Variants in ZNF722 observed in about 807,000 individuals in gnomAD.
ZNF722 encodes the protein zinc finger protein 722, also known as zinc finger protein 479 pseudogene.
the ZNF722 span, among the ~76,000 whole-genome samples, chr7:64,004,428 A>ATATATATATT: frequency 1.6e-5 from 1 of 64,262 alleles, no homozygotes; most frequent in Non-Finnish European, 3.4e-5. Flanking sequence ...AAAAAAAAAT[A>ATATATATATT]TATATATATA....
the ZNF722 span, chr7:64,015,873 A>G: frequency 6.3e-7 from 1 of 1,576,296 alleles, no homozygotes; most frequent in Admixed American, 1.7e-5. Context: ...AAGTCTTGCT[A>G]AACATAAGAT....
the ZNF722 span, among the ~76,000 whole-genome samples, chr7:64,011,780 A>G: frequency 1.3e-5 from 2 of 151,998 alleles, no homozygotes; most frequent in African/African-American, 4.8e-5. Flanking sequence ...TATTTCCTGA[A>G]TTTGAATGTT....
the ZNF722 span, chr7:64,005,743 G>A: frequency 6.5e-7 from 1 of 1,549,954 alleles, no homozygotes; most frequent in Non-Finnish European, 8.8e-7. Context: ...CCCTGGGTGA[G>A]GAAAACTTCA....
the ZNF722 span, among the ~76,000 whole-genome samples, chr7:64,012,386 T>G: frequency 5.9e-5 from 9 of 152,006 alleles, no homozygotes; most frequent in African/African-American, 2.2e-4. Context: ...CTTTTCTGCT[T>G]TGGTTCCTCC....
At chr7:63,999,020 T>C in the ZNF722 span, 6 of 1,574,968 alleles carry the variant, frequency 3.8e-6, no homozygotes, top group Non-Finnish European at 5.2e-6. Flanking sequence ...GGGTCTGTCA[T>C]CGTGAGAGGG....
the ZNF722 span, chr7:64,015,140 T>TA: frequency 7.0e-7 from 1 of 1,427,124 alleles, no homozygotes; most frequent in African/African-American, 1.4e-5. Flanking sequence ...ATTTACAATT[T>TA]AAAAAATGCT....
the ZNF722 span, among the ~76,000 whole-genome samples, chr7:64,013,049 T>C: frequency 2.0e-5 from 3 of 152,154 alleles, no homozygotes; most frequent in Non-Finnish European, 2.9e-5. Context: ...GGCATATACT[T>C]CTTTTACAGT....
chr7:64,008,637 G>C, the ZNF722 span, among the ~76,000 whole-genome samples: 3 of 151,760 alleles, frequency 2.0e-5, no homozygotes, highest in Admixed American at 1.3e-4. Flanking sequence ...TGCTGTTTTG[G>C]TTACTGTAGC....
chr7:63,999,267 C>T, the ZNF722 span, among the ~76,000 whole-genome samples: 1 of 152,162 alleles, frequency 6.6e-6, no homozygotes, highest in Non-Finnish European at 1.5e-5. Context: ...ACTCCCAGCG[C>T]CTCATCTCAC....
the ZNF722 span, among the ~76,000 whole-genome samples, chr7:64,004,425 A>AAAAAAAAAAAAAATATATATATAT: frequency 1.6e-5 from 1 of 61,120 alleles, no homozygotes; most frequent in African/African-American, 8.0e-5. Flanking sequence ...AAAAAAAAAA[A>AAAAAAAAAAAAAATATATATATAT]ATATATATAT....
At chr7:64,015,731 G>T in the ZNF722 span, 4 of 1,613,586 alleles carry the variant, frequency 2.5e-6, no homozygotes, top group African/African-American at 4.0e-5. Context: ...ATACTGGAGA[G>T]AAACCCTACA....
At chr7:64,013,416 T>C in the ZNF722 span, among the ~76,000 whole-genome samples, 1 of 152,110 alleles carries the variant, frequency 6.6e-6, no homozygotes, top group East Asian at 1.9e-4. Context: ...ATGCTAGTAA[T>C]TGACTCATTT....
At chr7:64,003,642 T>C in the ZNF722 span, among the ~76,000 whole-genome samples, 1 of 152,344 alleles carries the variant, frequency 6.6e-6, no homozygotes, top group African/African-American at 2.4e-5. Context: ...TTTTGTTATT[T>C]TTATGATAGT....
At chr7:64,015,267 A>C in the ZNF722 span, 88 of 1,225,712 alleles carry the variant, frequency 7.2e-5, no homozygotes, top group African/African-American at 1.1e-3. Flanking sequence ...AGTCTTTGGT[A>C]AATTTTCAAA....
chr7:63,999,463 G>A, the ZNF722 span, among the ~76,000 whole-genome samples: 1 of 152,160 alleles, frequency 6.6e-6, no homozygotes, highest in Non-Finnish European at 1.5e-5. Context: ...GTCATAGAGC[G>A]CCCAGCTATG....
the ZNF722 span, among the ~76,000 whole-genome samples, chr7:64,007,230 G>GTATATATATATATA: frequency 8.7e-4 from 120 of 138,472 alleles, 2 homozygotes; most frequent in Middle Eastern, 8.0e-3. Context: ...GTTTGTGTGT[G>GTATATATATATATA]TATATATATA....
At chr7:64,005,975 G>A in the ZNF722 span, among the ~76,000 whole-genome samples, 1 of 152,106 alleles carries the variant, frequency 6.6e-6, no homozygotes, top group Non-Finnish European at 1.5e-5. Flanking sequence ...AAAATGTCAT[G>A]GCATAAAATA....
the ZNF722 span, among the ~76,000 whole-genome samples, chr7:64,004,072 A>C: frequency 6.6e-6 from 1 of 152,072 alleles, no homozygotes; most frequent in Non-Finnish European, 1.5e-5. Context: ...AGTTATCTGC[A>C]CCTTCGACTT....
At chr7:63,998,992 C>T in the ZNF722 span, 2 of 1,576,794 alleles carry the variant, frequency 1.3e-6, no homozygotes, top group East Asian at 2.2e-5. Context: ...CCCTGGAAGC[C>T]GAGAAATGGT....
Sources: allele counts gnomAD v4.1 joint callset (sites outside exome capture counted in the v4.1 genomes callset), GRCh38; gene constraint gnomAD v4.1.1; transcripts MANE v1.5; gene names NCBI Gene and HGNC (gene_info 2026-07-23, HGNC 2026-07-21).